Variants in TUSC3 observed in about 807,000 individuals in gnomAD.
TUSC3 encodes the protein dolichyl-diphosphooligosaccharide--protein glycosyltransferase subunit TUSC3.
Under a neutral mutation model 44.8 loss-of-function variants are expected in TUSC3, and 45 were observed. That is an observed-to-expected ratio of 1.00 (90% CI 0.79 to 1.29). The LOEUF is 1.29. Among genes scored for constraint, TUSC3 ranks in the 50% most tolerant of loss-of-function variants. TUSC3 has a pLI of 0.00. For missense variants in TUSC3, 519 were observed against 437.9 expected (o/e 1.19, Z -1.65); for synonymous variants, 212 against 152.9 (o/e 1.39, Z -2.85).
chr8:15,539,060 C>T (rs997084418), upstream of TUSC3, among the ~76,000 whole-genome samples: 4 of 151,612 alleles, frequency 2.6e-5, no homozygotes, highest in African/African-American at 7.3e-5. Context: ...ACTATCTTGC[C>T]CAGGCTGCTC....
intron 2 of TUSC3, among the ~76,000 whole-genome samples, chr8:15,507,979 G>T (rs1801081350): frequency 6.6e-6 from 1 of 151,972 alleles, no homozygotes. Flanking sequence ...CAGTAGCTCA[G>T]GCCTGTAATC....
At chr8:15,449,574 T>C (rs1800165723) in intron 1 of TUSC3, among the ~76,000 whole-genome samples, 1 of 152,238 alleles carries the variant, frequency 6.6e-6, no homozygotes, top group Non-Finnish European at 1.5e-5. Flanking sequence ...GGTTTCTCTT[T>C]AGCCCTTAGG....
intron 2 of TUSC3, among the ~76,000 whole-genome samples, chr8:15,532,703 C>T (rs1801466316): frequency 6.6e-6 from 1 of 152,124 alleles, no homozygotes; most frequent in South Asian, 2.1e-4. Flanking sequence ...CCATAATTAC[C>T]ATTTGTTGTG....
the TUSC3 span, among the ~76,000 whole-genome samples, chr8:15,833,507 G>A: frequency 6.6e-6 from 1 of 152,098 alleles, no homozygotes; most frequent in East Asian, 1.9e-4. Context: ...GTAGTCCACG[G>A]AATACTATGC....
intron 6 of TUSC3, among the ~76,000 whole-genome samples, chr8:15,680,020 C>T (rs560909275): frequency 3.3e-5 from 5 of 151,806 alleles, no homozygotes; most frequent in East Asian, 3.9e-4. Flanking sequence ...GGGTAATATC[C>T]CTCCAGCTTT....
downstream of TUSC3, among the ~76,000 whole-genome samples, chr8:15,768,065 C>T (rs78984546): frequency 0.015 from 2,223 of 152,214 alleles, 50 homozygotes; most frequent in African/African-American, 0.049. Flanking sequence ...GAAGTGAAGA[C>T]TAAAACAGTG....
At chr8:15,715,446 A>G (rs2129201441) in intron 6 of TUSC3, among the ~76,000 whole-genome samples, 1 of 152,222 alleles carries the variant, frequency 6.6e-6, no homozygotes, top group East Asian at 1.9e-4. Context: ...TAAGTGACTA[A>G]TGGGAAGGTA....
chr8:15,677,637 C>G (rs1479820711), intron 6 of TUSC3, among the ~76,000 whole-genome samples: 1 of 152,200 alleles, frequency 6.6e-6, no homozygotes, highest in East Asian at 1.9e-4. Context: ...ATGGCTCTGT[C>G]CATGCCCATA....
At chr8:15,559,697 T>G (rs1453310493) in intron 1 of TUSC3, among the ~76,000 whole-genome samples, 10 of 132,986 alleles carry the variant, frequency 7.5e-5, no homozygotes, top group Admixed American at 5.4e-4. Context: ...CTGTATTGGG[T>G]GCATATATAT....
intron 1 of TUSC3, among the ~76,000 whole-genome samples, chr8:15,555,497 GT>G (rs952168693): frequency 6.6e-6 from 1 of 150,708 alleles, no homozygotes; most frequent in African/African-American, 2.4e-5. Context: ...GTCTCCCTGT[GT>G]TGTACAGGAT....
chr8:15,495,647 G>T (rs1420489477), intron 2 of TUSC3, among the ~76,000 whole-genome samples: 1 of 152,076 alleles, frequency 6.6e-6, no homozygotes, highest in Non-Finnish European at 1.5e-5. Context: ...AGCTCCCTTT[G>T]GGGGGCAGTA....
At chr8:15,513,072 C>A (rs1006253145) in intron 2 of TUSC3, among the ~76,000 whole-genome samples, 2 of 150,100 alleles carry the variant, frequency 1.3e-5, no homozygotes, top group Non-Finnish European at 3.0e-5. Flanking sequence ...ACAATTGTAA[C>A]GTTACCAAAA....
chr8:15,418,686 G>A (rs936329136), intron 1 of TUSC3, among the ~76,000 whole-genome samples: 1 of 152,150 alleles, frequency 6.6e-6, no homozygotes, highest in Non-Finnish European at 1.5e-5. Flanking sequence ...TGCTGTTTTT[G>A]TCAATACCTA....
chr8:15,586,546 C>T (rs954383124), intron 1 of TUSC3, among the ~76,000 whole-genome samples: 5 of 152,104 alleles, frequency 3.3e-5, no homozygotes, highest in African/African-American at 9.7e-5. Flanking sequence ...CGCATTACCT[C>T]AGGCCCAGCC....
At chr8:15,746,345 G>T (rs550430887) in intron 8 of TUSC3, among the ~76,000 whole-genome samples, 138 of 152,156 alleles carry the variant, frequency 9.1e-4, no homozygotes, top group East Asian at 3.3e-3. Flanking sequence ...GCTTGTGTGT[G>T]TATGAAAGTG....
chr8:15,742,164 G>C (rs1274698658), intron 7 of TUSC3, among the ~76,000 whole-genome samples: 1 of 150,890 alleles, frequency 6.6e-6, no homozygotes, highest in Non-Finnish European at 1.5e-5. Flanking sequence ...AGAAATTTCA[G>C]TGTTTTTCAA....
chr8:15,692,257 C>T (rs1808933690), intron 6 of TUSC3, among the ~76,000 whole-genome samples: 2 of 148,938 alleles, frequency 1.3e-5, no homozygotes, highest in South Asian at 4.4e-4. Context: ...GATCCATGTT[C>T]ATAAAAAAAT....
chr8:15,441,756 T>A (rs1408602676), intron 1 of TUSC3, among the ~76,000 whole-genome samples: 1 of 151,832 alleles, frequency 6.6e-6, no homozygotes, highest in Non-Finnish European at 1.5e-5. Context: ...GAAGCAGTGA[T>A]GAAAGCTGAC....
intron 1 of TUSC3, among the ~76,000 whole-genome samples, chr8:15,442,166 C>G (rs7827469): frequency 6.6e-6 from 1 of 151,800 alleles, no homozygotes; most frequent in Non-Finnish European, 1.5e-5. Flanking sequence ...CTTATTACTT[C>G]TTTGTCAAAT....
Sources: gnomAD v4.1 joint callset for allele counts (sites outside exome capture counted in the v4.1 genomes callset) on GRCh38, gnomAD v4.1.1 for gene constraint, MANE v1.5 for transcripts, NCBI Gene and HGNC (gene_info 2026-07-23, HGNC 2026-07-21) for gene names.